The following RABGAP1L variants were observed in gnomAD, a reference collection of about 807,000 sequenced individuals.
The protein encoded by RABGAP1L is rab GTPase-activating protein 1-like.
RABGAP1L carries 63 observed loss-of-function variants against 137.7 expected under a neutral mutation model. The observed-to-expected ratio is 0.46, with a 90% confidence interval of 0.37 to 0.56. RABGAP1L has a LOEUF of 0.56. Among genes scored for constraint, RABGAP1L ranks in the 20% least tolerant of loss-of-function variants. The pLI is 0.00. For synonymous variants in RABGAP1L, 431 were observed against 433.7 expected (o/e 0.99, Z 0.08); for missense variants, 1,095 against 1,244.0 (o/e 0.88, Z 1.80).
At chr1:174,292,879 C>T (rs769257121) in intron 10 of RABGAP1L, among the ~76,000 whole-genome samples, 11 of 152,162 alleles carry the variant, frequency 7.2e-5, no homozygotes, top group Non-Finnish European at 1.0e-4. Context: ...TAGTTTACTA[C>T]ATACCATACC....
chr1:174,629,153 A>ATGAG (rs1253869365), intron 13 of RABGAP1L, among the ~76,000 whole-genome samples: 1 of 152,198 alleles, frequency 6.6e-6, no homozygotes, highest in Admixed American at 6.5e-5. Flanking sequence ...TATTTGTTGA[A>ATGAG]TGAGTGAGTG....
intron 1 of RABGAP1L, among the ~76,000 whole-genome samples, chr1:174,180,301 G>A (rs1428232618): frequency 2.0e-5 from 3 of 152,194 alleles, no homozygotes; most frequent in Non-Finnish European, 4.4e-5. Flanking sequence ...TGACCACACT[G>A]TCATTTCTTA....
At chr1:174,370,832 A>G (rs10912772) in intron 11 of RABGAP1L, 147 bp from the exon 12 acceptor site, 112,245 of 392,246 alleles carry the variant, frequency 0.29, 20,228 homozygotes, top group African/African-American at 0.64. Context: ...AATTAATGAA[A>G]TTCTTACTGT....
intron 19 of RABGAP1L, among the ~76,000 whole-genome samples, chr1:174,866,931 TAA>T (rs143689877): frequency 8.1e-6 from 1 of 123,396 alleles, no homozygotes; most frequent in African/African-American, 2.8e-5. Context: ...TTTTTTTTTT[TAA>T]ATTTAAAAAT....
At chr1:174,349,044 C>CGGAG (rs1553278342) in intron 11 of RABGAP1L, among the ~76,000 whole-genome samples, 1 of 102,812 alleles carries the variant, frequency 9.7e-6, no homozygotes, top group Non-Finnish European at 2.0e-5. Flanking sequence ...GCTGGCCGGG[C>CGGAG]GGGGGGGGGG....
At chr1:174,766,927 T>C (rs1010162847) in intron 18 of RABGAP1L, among the ~76,000 whole-genome samples, 1 of 152,204 alleles carries the variant, frequency 6.6e-6, no homozygotes, top group African/African-American at 2.4e-5. Flanking sequence ...ATCTGGAGGC[T>C]TCACCTGCAT....
chr1:174,448,575 C>G lies in RABGAP1L; in HGVS notation c.1710+54430C>G, dbSNP rs1272254541. ...CTTTCCTACAATCAACTGGTCACCC[C>G]TTGTCGCTTGAGAATTTGCATTATT... On this transcript the variant is annotated intron_variant, in intron 13 of 25. Transcript: ENST00000681986. The surrounding 1 kb of genome is among the most constrained non-coding windows in gnomAD (Gnocchi z 4.2). 6.2e-7 allele frequency: 1 copy of G among 1,613,882 alleles called. No homozygotes were observed. Among genetic ancestry groups the G allele is most frequent in the Admixed American group, 1.7e-5 (1 of 60,014 alleles).
chr1:174,969,078 G>C (rs1193187336), intron 20 of RABGAP1L, among the ~76,000 whole-genome samples, 199 bp from the exon 21 acceptor site: 1 of 152,124 alleles, frequency 6.6e-6, no homozygotes, highest in Admixed American at 6.5e-5. Flanking sequence ...CAGTTTCACC[G>C]GGTAGAGAAC....
intron 13 of RABGAP1L, among the ~76,000 whole-genome samples, chr1:174,461,488 A>T (rs1021479829): frequency 1.8e-4 from 27 of 152,318 alleles, no homozygotes; most frequent in African/African-American, 6.0e-4. Flanking sequence ...TGTCTTTTAC[A>T]TCTCTCTGGT....
chr1:174,461,811 T>G (rs1334531701), intron 13 of RABGAP1L, among the ~76,000 whole-genome samples: 1 of 152,172 alleles, frequency 6.6e-6, no homozygotes, highest in Non-Finnish European at 1.5e-5. Context: ...AGCTTCCCAC[T>G]TTAATTGAAT....
intron 19 of RABGAP1L, among the ~76,000 whole-genome samples, chr1:174,937,632 A>ATATATATATATATATATATC (rs1190513202): frequency 2.5e-4 from 32 of 128,596 alleles, no homozygotes; most frequent in Non-Finnish European, 4.0e-4. Flanking sequence ...ATATATATAT[A>ATATATATATATATATATATC]TATCTTGCAG....
At chr1:174,832,645 T>G (rs1365221699) in intron 19 of RABGAP1L, among the ~76,000 whole-genome samples, 1 of 121,370 alleles carries the variant, frequency 8.2e-6, no homozygotes, top group Non-Finnish European at 1.9e-5. Flanking sequence ...ATGACCTCTA[T>G]GTCAGTTACA....
At chr1:174,560,127 C>G (rs928782980) in intron 13 of RABGAP1L, among the ~76,000 whole-genome samples, 12 of 149,982 alleles carry the variant, frequency 8.0e-5, no homozygotes, top group African/African-American at 1.2e-4. Context: ...GGGCGAGACT[C>G]TGTCTCAGAA....
chr1:174,682,041 G>T (rs1223841843), intron 14 of RABGAP1L, among the ~76,000 whole-genome samples: 1 of 152,120 alleles, frequency 6.6e-6, no homozygotes, highest in African/African-American at 2.4e-5. Flanking sequence ...AGCACTTTGG[G>T]AGGCTGAGGT....
intron 15 of RABGAP1L, among the ~76,000 whole-genome samples, chr1:174,683,910 A>G (rs553319422): frequency 1.3e-4 from 20 of 152,314 alleles, no homozygotes; most frequent in South Asian, 1.0e-3. Flanking sequence ...AAGACCCACT[A>G]TACTGTGACA....
intron 10 of RABGAP1L, among the ~76,000 whole-genome samples, chr1:174,304,451 CCATATATATTTATATATGTAACCCA>C (rs1230805011): frequency 6.6e-6 from 1 of 151,268 alleles, no homozygotes; most frequent in Non-Finnish European, 1.5e-5. Context: ...CAAATTAAAT[CCATATATATTTATATATGTAACCCA>C]CATATATATT....
intron 11 of RABGAP1L, among the ~76,000 whole-genome samples, chr1:174,364,631 A>G (rs1030336387): frequency 6.6e-6 from 1 of 152,148 alleles, no homozygotes; most frequent in Non-Finnish European, 1.5e-5. Flanking sequence ...TTTTCCATTT[A>G]TTGGCATATG....
At chr1:174,290,112 A>G (rs1676453097) in intron 10 of RABGAP1L, among the ~76,000 whole-genome samples, 1 of 152,120 alleles carries the variant, frequency 6.6e-6, no homozygotes, top group Admixed American at 6.5e-5. Context: ...TGGGAAACCT[A>G]GACACCCAGT....
intron 13 of RABGAP1L, among the ~76,000 whole-genome samples, chr1:174,560,621 T>C (rs533288235): frequency 2.3e-4 from 35 of 152,312 alleles, no homozygotes; most frequent in Non-Finnish European, 4.7e-4. Context: ...CATGAGTAAA[T>C]TGTGCAATGC....
Sources: gnomAD v4.1 joint callset for allele counts (sites outside exome capture counted in the v4.1 genomes callset) on GRCh38, gnomAD v4.1.1 for gene constraint, Gnocchi (gnomAD v3.1) non-coding constraint, MANE v1.5 for transcripts, NCBI Gene and HGNC (gene_info 2026-07-23, HGNC 2026-07-21) for gene names.